KCND2: variants seen among roughly 807,000 people sequenced by gnomAD.
KCND2 encodes the protein A-type voltage-gated potassium channel KCND2.
In KCND2, 16 loss-of-function variants were observed where a neutral mutation model predicts 54.4. The observed-to-expected ratio is 0.29, with a 90% confidence interval of 0.20 to 0.45. KCND2 has a LOEUF of 0.45. KCND2 is among the 20% of genes least tolerant of loss of function. The pLI is 1.00. For synonymous variants in KCND2, 317 were observed against 310.7 expected (o/e 1.02, Z -0.21); for missense variants, 486 against 824.2 (o/e 0.59, Z 5.02).
intron 1 of KCND2, among the ~76,000 whole-genome samples, chr7:120,363,831 G>A (rs1800629048): frequency 6.6e-6 from 1 of 151,936 alleles, no homozygotes; most frequent in Non-Finnish European, 1.5e-5. Context: ...CTGTTCCTCT[G>A]ATAGATCTCC....
chr7:120,522,370 G>C (rs186984955), intron 1 of KCND2, among the ~76,000 whole-genome samples: 73 of 152,252 alleles, frequency 4.8e-4, no homozygotes, highest in African/African-American at 1.7e-3. Flanking sequence ...GACTTATGGC[G>C]TGACCCTGAG....
intron 1 of KCND2, among the ~76,000 whole-genome samples, chr7:120,569,814 T>C (rs750184094): frequency 2.6e-5 from 4 of 152,144 alleles, no homozygotes; most frequent in Non-Finnish European, 4.4e-5. Context: ...GATTCTAAGA[T>C]AGAAGATAGT....
intron 1 of KCND2, among the ~76,000 whole-genome samples, chr7:120,696,915 A>G (rs1365399877): frequency 6.6e-6 from 1 of 152,256 alleles, no homozygotes; most frequent in Non-Finnish European, 1.5e-5. Context: ...TAAAACAGTC[A>G]GTAAATAAAA....
In KCND2 at chr7:120,629,442, T is replaced by C. The variant is rs546982613; in HGVS notation, c.1116-103461T>C. The stretch of plus-strand genomic sequence containing the variant: ...CGGAGTTTGCAGTGAGCCGAGATGG[T>C]GCCACTGCACTCCATCCTGGGCGAC... On this transcript the variant is annotated intron_variant, in intron 1 of 5. Coordinates refer to ENST00000331113, the MANE Select transcript of KCND2 (RefSeq NM_012281.3). Among the ~76,000 whole-genome samples, 615 of 151,272 alleles carry C rather than the reference T, an allele frequency of 4.1e-3. 3 individuals carry two copies. The highest frequency in any genetic ancestry group is 0.014 in the African/African-American group (569 of 41,216).
intron 1 of KCND2, among the ~76,000 whole-genome samples, chr7:120,697,607 A>T (rs976336507): frequency 2.6e-5 from 4 of 152,234 alleles, no homozygotes; most frequent in Non-Finnish European, 1.5e-5. Flanking sequence ...ACATGAAAGG[A>T]TATAAAATGC....
chr7:120,286,528 A>G (rs942635260), intron 1 of KCND2, among the ~76,000 whole-genome samples: 9 of 151,992 alleles, frequency 5.9e-5, no homozygotes, highest in African/African-American at 2.2e-4. Context: ...TATTGACTAT[A>G]TAACAGTATT....
chr7:120,478,721 A>G (rs1021201347), intron 1 of KCND2, among the ~76,000 whole-genome samples: 1 of 152,100 alleles, frequency 6.6e-6, no homozygotes, highest in African/African-American at 2.4e-5. Context: ...CATATGCCTG[A>G]CTCTATAGCA....
intron 1 of KCND2, among the ~76,000 whole-genome samples, chr7:120,412,104 A>G (rs975059372): frequency 3.3e-5 from 5 of 152,060 alleles, no homozygotes; most frequent in East Asian, 1.9e-4. Flanking sequence ...AGGCTTCCCT[A>G]GCATTGTTCA....
intron 1 of KCND2, among the ~76,000 whole-genome samples, chr7:120,391,863 G>A (rs756908853): frequency 6.6e-5 from 10 of 152,020 alleles, no homozygotes; most frequent in Non-Finnish European, 1.0e-4. Flanking sequence ...CCATTCTGTC[G>A]GTTGCCTGTA....
chr7:120,547,393 G>A lies in KCND2; in HGVS notation c.1116-185510G>A, dbSNP rs78187278. ...TAACTCTCTGTAAAAGTCGGTTTTTGTAGGTCATATTGTCCCTGAGCCTCC... is the reference window on the plus strand; with the variant it reads ...TAACTCTCTGTAAAAGTCGGTTTTTATAGGTCATATTGTCCCTGAGCCTCC... On this transcript the variant is annotated intron_variant, in intron 1 of 5. Coordinates refer to ENST00000331113, the MANE Select transcript of KCND2 (RefSeq NM_012281.3). Among the ~76,000 whole-genome samples the A allele has an allele frequency of 4.6e-3, 706 of 152,018 alleles. 1 individual carries two copies. Among genetic ancestry groups the A allele is most frequent in the Middle Eastern group, 0.027 (8 of 294 alleles).
At chr7:120,536,305 T>A (rs1310546014) in intron 1 of KCND2, among the ~76,000 whole-genome samples, 1 of 152,114 alleles carries the variant, frequency 6.6e-6, no homozygotes, top group Non-Finnish European at 1.5e-5. Context: ...GTCTTAATCT[T>A]TTTACTGGTG....
At chr7:120,340,447 GT>G (rs977970841) in intron 1 of KCND2, among the ~76,000 whole-genome samples, 20 of 152,308 alleles carry the variant, frequency 1.3e-4, no homozygotes, top group African/African-American at 4.6e-4. Context: ...AGTGGAGTAA[GT>G]TTGTAGGGGG....
chr7:120,322,949 A>C (rs1175220311), intron 1 of KCND2, among the ~76,000 whole-genome samples: 1 of 152,130 alleles, frequency 6.6e-6, no homozygotes, highest in African/African-American at 2.4e-5. Flanking sequence ...TTATAGTATA[A>C]AATAAATAGT....
chr7:120,447,278 G>A (rs1802030359), intron 1 of KCND2, among the ~76,000 whole-genome samples: 2 of 147,858 alleles, frequency 1.4e-5, no homozygotes, highest in South Asian at 4.2e-4. Context: ...CTAAAGGCAA[G>A]AATGGATATA....
chr7:120,315,584 A>G (rs1428357761), intron 1 of KCND2, among the ~76,000 whole-genome samples: 1 of 152,088 alleles, frequency 6.6e-6, no homozygotes, highest in Non-Finnish European at 1.5e-5. Flanking sequence ...TGCCTATGAA[A>G]TTTTCAACAA....
chr7:120,695,906 T>C (rs1792327435), intron 1 of KCND2, among the ~76,000 whole-genome samples: 1 of 152,142 alleles, frequency 6.6e-6, no homozygotes, highest in African/African-American at 2.4e-5. Flanking sequence ...ATGAGTTGAT[T>C]TCAAAAAGAG....
intron 1 of KCND2, among the ~76,000 whole-genome samples, chr7:120,334,752 A>G (rs527687010): frequency 6.6e-6 from 1 of 152,336 alleles, no homozygotes; most frequent in East Asian, 1.9e-4. Context: ...TCAGCAGTAG[A>G]AACAGTTTAT....
At chr7:120,341,371 C>T (rs1387351422) in intron 1 of KCND2, among the ~76,000 whole-genome samples, 1 of 152,112 alleles carries the variant, frequency 6.6e-6, no homozygotes, top group Non-Finnish European at 1.5e-5. Context: ...TTTCTCTGTG[C>T]ATCTTTAATT....
intron 1 of KCND2, among the ~76,000 whole-genome samples, chr7:120,298,440 C>T (rs932671875): frequency 5.3e-5 from 8 of 152,194 alleles, no homozygotes; most frequent in Non-Finnish European, 1.0e-4. Context: ...CTGTACTTTT[C>T]AGTCCAGGTG....
Sources: gnomAD v4.1 joint callset for allele counts (sites outside exome capture counted in the v4.1 genomes callset) on GRCh38, gnomAD v4.1.1 for gene constraint, MANE v1.5 for transcripts, NCBI Gene and HGNC (gene_info 2026-07-23, HGNC 2026-07-21) for gene names.